Variants in U2SURP observed in about 807,000 individuals in gnomAD.
The protein encoded by U2SURP is U2 snRNP-associated SURP motif-containing protein.
Under a neutral mutation model 144.9 loss-of-function variants are expected in U2SURP, and 9 were observed. That is an observed-to-expected ratio of 0.06 (90% CI 0.04 to 0.11). The LOEUF is 0.11. U2SURP is among the 10% of genes least tolerant of loss of function. The probability of loss-of-function intolerance (pLI) is 1.00; values close to 1 mark genes in which losing one functional copy is unlikely to be tolerated. For missense variants in U2SURP, 724 were observed against 1,226.7 expected, an observed-to-expected ratio of 0.59 and a Z score of 6.12; for synonymous variants, 408 against 396.8, an observed-to-expected ratio of 1.03 and a Z score of -0.33.
At chr3:143,037,435 C>T in intron 21 of U2SURP, 100 bp downstream of exon 21, 1 of 1,098,836 alleles carries the variant, frequency 9.1e-7, no homozygotes, top group Non-Finnish European at 1.3e-6. Context: ...TATAGTTTCT[C>T]ATGAACGTAT....
chr3:143,028,223 T>C, intron 14 of U2SURP, 117 bp from the exon 15 acceptor site: 1 of 1,211,416 alleles, frequency 8.3e-7, no homozygotes, highest in Non-Finnish European at 1.2e-6. Flanking sequence ...CAGGGATCTT[T>C]GTTTTTGTTT....
intron 1 of U2SURP, 132 bp downstream of exon 1, chr3:143,001,805 G>C (rs1935539602): frequency 8.3e-7 from 1 of 1,204,856 alleles, no homozygotes; most frequent in African/African-American, 1.5e-5. Context: ...CCCGGGCGCC[G>C]CCGCACCGTT....
chr3:143,010,324 GATA>G (rs1456404690), intron 1 of U2SURP, among the ~76,000 whole-genome samples: 1 of 152,166 alleles, frequency 6.6e-6, no homozygotes, highest in Non-Finnish European at 1.5e-5. Context: ...TTGGGGATTT[GATA>G]ATATTTTCTG....
At chr3:143,042,601 C>G (rs78900909) in intron 23 of U2SURP, among the ~76,000 whole-genome samples, 1 of 152,120 alleles carries the variant, frequency 6.6e-6, no homozygotes, top group Non-Finnish European at 1.5e-5. Context: ...CCTCACCCCC[C>G]TCCCATCCTT....
At chr3:143,028,709 A>G in intron 16 of U2SURP, 63 bp downstream of exon 16, 1 of 1,408,420 alleles carries the variant, frequency 7.1e-7, no homozygotes, top group Non-Finnish European at 9.6e-7. Context: ...GCTTTAATTA[A>G]TGGTCTTATT....
At chr3:143,006,820 T>G (rs866800321) in intron 1 of U2SURP, among the ~76,000 whole-genome samples, 2 of 152,320 alleles carry the variant, frequency 1.3e-5, no homozygotes, top group African/African-American at 2.4e-5. Flanking sequence ...TAAGGTGGTG[T>G]TATGCTTCCT....
chr3:143,010,935 A>T, intron 2 of U2SURP, 76 bp downstream of exon 2: 1 of 1,079,554 alleles, frequency 9.3e-7, no homozygotes, highest in South Asian at 1.6e-5. Flanking sequence ...TACATCAATG[A>T]TTTTACTTGA....
chr3:143,013,112 T>C (rs1293935509), intron 3 of U2SURP, among the ~76,000 whole-genome samples: 1 of 152,102 alleles, frequency 6.6e-6, no homozygotes, highest in Non-Finnish European at 1.5e-5. Context: ...TTATATTGTT[T>C]ATTTGAAAAA....
Position 143,039,497 on chromosome 3 carries a change from T to G in U2SURP, c.2384+537T>G, listed in dbSNP as rs576216512. ...AAAATTGTTTTTGTATTTGACACTG[T>G]GTGGTTGTAGGAATCTCTCCTCTCA... On this transcript the variant is annotated intron_variant, in intron 23 of 27. Transcript: ENST00000473835. Among the ~76,000 whole-genome samples the G allele has an allele frequency of 2.0e-5, 3 of 152,044 alleles. No individual in the cohort carries two copies. In the East Asian group the frequency reaches 5.8e-4, roughly 29 times the overall value.
chr3:143,007,722 C>T (rs574855654), intron 1 of U2SURP, among the ~76,000 whole-genome samples: 46 of 152,162 alleles, frequency 3.0e-4, no homozygotes, highest in African/African-American at 1.0e-3. Flanking sequence ...AGATTACAGG[C>T]GTGAGCCACC....
At chr3:143,012,118 C>T in intron 2 of U2SURP, 104 bp from the exon 3 acceptor site, 1 of 1,370,330 alleles carries the variant, frequency 7.3e-7, no homozygotes, top group Admixed American at 2.0e-5. Context: ...TGATAATCTA[C>T]AATGAAATTT....
At chr3:143,027,538 A>G (rs1933225660) in intron 14 of U2SURP, among the ~76,000 whole-genome samples, 1 of 152,188 alleles carries the variant, frequency 6.6e-6, no homozygotes, top group Admixed American at 6.6e-5. Context: ...TAATCATACA[A>G]TATTTGTCCT....
Position 143,021,343 on chromosome 3 carries a change from C to G in U2SURP, c.734-7C>G, listed in dbSNP as rs1560183888. ...ACTAATAATTGTCTTCTTTTCTCCC[C>G]TTTAAGTGGACGCGCCTTCAAGAAG... On this transcript the variant is annotated splice_polypyrimidine_tract_variant and splice_region_variant and intron_variant, in intron 8 of 27. Coordinates refer to ENST00000473835, the MANE Select transcript of U2SURP (RefSeq NM_001080415.2). 3.8e-6 allele frequency: 6 copies of G among 1,589,968 alleles called. No individual in the cohort carries two copies. The South Asian group carries it at 5.7e-5, about 15-fold the overall frequency.
At chr3:143,024,300 T>G (rs1415128697) in intron 13 of U2SURP, among the ~76,000 whole-genome samples, 1 of 152,210 alleles carries the variant, frequency 6.6e-6, no homozygotes, top group Non-Finnish European at 1.5e-5. Context: ...GACAATAGAC[T>G]ATTGTCATGG....
intron 6 of U2SURP, 91 bp from the exon 7 acceptor site, chr3:143,019,878 G>C: frequency 1.7e-6 from 1 of 585,920 alleles, no homozygotes; most frequent in Non-Finnish European, 2.7e-6. Flanking sequence ...CATACAATTT[G>C]TACTGAAATG....
intron 1 of U2SURP, among the ~76,000 whole-genome samples, chr3:143,003,892 A>G (rs1378046062): frequency 6.6e-6 from 1 of 151,922 alleles, no homozygotes; most frequent in Non-Finnish European, 1.5e-5. Flanking sequence ...GGGTTTCACC[A>G]TGTTGGCCAG....
chr3:143,012,137 C>T, intron 2 of U2SURP, 85 bp from the exon 3 acceptor site: 2 of 1,479,000 alleles, frequency 1.4e-6, no homozygotes, highest in Non-Finnish European at 1.9e-6. Context: ...TTGTCAATAT[C>T]TGGCATGGCT....
At position 143,038,180 on chromosome 3, in the gene U2SURP, A is replaced by G. The variant is rs1206290827; in HGVS notation, c.2294A>G (p.Asp765Gly). 6.2e-7 allele frequency: 1 copy of G among 1,606,882 alleles called. No individual in the cohort carries two copies. The change falls in exon 22 of 28, where the codon GAT (aspartate) becomes GGT (glycine). Residue 765 changes from aspartate (D) to glycine (G), a missense_variant. This residue lies in a region of U2SURP where 2 missense variants were observed against 19.9 expected (regional missense o/e 0.10). Coordinates refer to ENST00000473835, the MANE Select transcript of U2SURP (RefSeq NM_001080415.2). Reference sequence around the variant, plus strand: ...GCCCCATCAAAATGGGAAGCTGTGGATGAATCTGAATTGGAAGCACAGGGT... The same window carrying G: ...GCCCCATCAAAATGGGAAGCTGTGGGTGAATCTGAATTGGAAGCACAGGGT... ...KVAPSKWEAV[D>G]ESELEAQAVT...
rs553581866 is a variant in U2SURP, at chr3:143,031,237, T to C, written c.1611-1547T>C. On this transcript the variant is annotated intron_variant, in intron 16 of 27. Coordinates refer to ENST00000473835, the MANE Select transcript of U2SURP (RefSeq NM_001080415.2). ...GATCTAGAATATATATAAAGTTAGT[T>C]GATAAAGTAGTACAGGGTTTGAGAG... 2.1e-3 allele frequency among the ~76,000 whole-genome samples: 321 copies of C among 152,306 alleles called. 2 individuals carry two copies. The highest frequency in any genetic ancestry group is 7.3e-3 in the African/African-American group (305 of 41,566).
Sources: allele counts gnomAD v4.1 joint callset (sites outside exome capture counted in the v4.1 genomes callset), GRCh38; gene constraint gnomAD v4.1.1; regional missense constraint gnomAD v4.1.1; transcripts MANE v1.5; gene names NCBI Gene and HGNC (gene_info 2026-07-23, HGNC 2026-07-21).